Variants in PTK2B observed in about 807,000 individuals in gnomAD.
PTK2B encodes the protein protein-tyrosine kinase 2-beta.
Under a neutral mutation model 142.9 loss-of-function variants are expected in PTK2B, and 71 were observed. The observed-to-expected ratio is 0.50, with a 90% CI of 0.41 to 0.61. The LOEUF is 0.61. PTK2B is among the 20% of genes least tolerant of loss of function. PTK2B has a pLI of 0.00. For synonymous variants in PTK2B, 519 were observed against 503.4 expected (o/e 1.03, Z -0.42); for missense variants, 1,105 against 1,320.4 (o/e 0.84, Z 2.53).
At chr8:27,410,768 G>A (rs889546487) in intron 2 of PTK2B, among the ~76,000 whole-genome samples, 1 of 152,188 alleles carries the variant, frequency 6.6e-6, no homozygotes, top group Non-Finnish European at 1.5e-5. Flanking sequence ...ACAGAGACAA[G>A]CCATCCGGTC....
At chr8:27,325,127 G>C (rs528295965), upstream of PTK2B, among the ~76,000 whole-genome samples, 41 of 152,190 alleles carry the variant, frequency 2.7e-4, no homozygotes, top group Non-Finnish European at 5.7e-4. Context: ...TAGGACACAA[G>C]TGCTCAGTAC....
chr8:27,418,306 A>G (rs1056540864), intron 2 of PTK2B, among the ~76,000 whole-genome samples: 1 of 152,244 alleles, frequency 6.6e-6, no homozygotes, highest in African/African-American at 2.4e-5. Context: ...TGCCCAGGCA[A>G]GCAAATAACT....
intron 1 of PTK2B, among the ~76,000 whole-genome samples, chr8:27,375,162 A>C (rs1369310686): frequency 1.3e-5 from 2 of 152,202 alleles, no homozygotes; most frequent in Non-Finnish European, 1.5e-5. Context: ...TGAGGAGGAC[A>C]TGGGCTCAGG....
intron 3 of PTK2B, among the ~76,000 whole-genome samples, chr8:27,320,440 G>A (rs1310435378): frequency 2.0e-5 from 3 of 152,026 alleles, no homozygotes; most frequent in Non-Finnish European, 4.4e-5. Context: ...CTGCCACCCC[G>A]CTCCAGCTTC....
At chr8:27,444,986 A>T (rs1205699464) in intron 23 of PTK2B, among the ~76,000 whole-genome samples, 1 of 152,200 alleles carries the variant, frequency 6.6e-6, no homozygotes, top group Admixed American at 6.5e-5. Flanking sequence ...CTAAGGACTA[A>T]TAGATAAATC....
chr8:27,391,025 C>A (rs181028796), intron 1 of PTK2B, among the ~76,000 whole-genome samples: 1 of 151,864 alleles, frequency 6.6e-6, no homozygotes, highest in African/African-American at 2.4e-5. Context: ...TGACATCATA[C>A]GGCCTTTCTG....
chr8:27,352,638 G>A (rs548473304), intron 1 of PTK2B, among the ~76,000 whole-genome samples: 15 of 152,270 alleles, frequency 9.9e-5, no homozygotes, highest in East Asian at 5.8e-4. Flanking sequence ...GGAGGGACCC[G>A]GTGGGAGGTA....
intron 1 of PTK2B, among the ~76,000 whole-genome samples, chr8:27,347,504 G>A (rs1406926894): frequency 6.8e-6 from 1 of 147,858 alleles, no homozygotes; most frequent in Non-Finnish European, 1.5e-5. Flanking sequence ...CAACATCAAG[G>A]TGTCAGCAGG....
rs2241650 is a variant in PTK2B, at chr8:27,397,808, C to T, written c.204+20C>T. ...ATCCGGGTAAGTGTGAAGTGTCTGC[C>T]CTGTCCATCTGTCTGTCCCTCTGTC... On this transcript the variant is annotated intron_variant, in intron 2 of 30. Transcript: ENST00000346049. 0.42 allele frequency: 674,568 copies of T among 1,610,190 alleles called. 144,675 individuals carry two copies. The highest frequency in any genetic ancestry group is 0.49 in the Middle Eastern group (2,992 of 6,050).
intron 2 of PTK2B, among the ~76,000 whole-genome samples, chr8:27,406,008 T>C (rs919069574): frequency 6.6e-6 from 1 of 152,226 alleles, no homozygotes; most frequent in African/African-American, 2.4e-5. Context: ...CTCACATTTC[T>C]GGAGGCCAGA....
At chr8:27,354,881 C>T (rs73568004) in intron 1 of PTK2B, among the ~76,000 whole-genome samples, 6,964 of 152,110 alleles carry the variant, frequency 0.046, 501 homozygotes, top group African/African-American at 0.16. Flanking sequence ...GATGGTCTTC[C>T]GACGGAATCA....
chr8:27,445,774 T>C lies in PTK2B; in HGVS notation c.2215-20T>C. 2.5e-6 allele frequency: 4 copies of C among 1,612,898 alleles called. No homozygotes were observed. Among genetic ancestry groups the C allele is most frequent in the Non-Finnish European group, 3.4e-6 (4 of 1,180,010 alleles). On this transcript the variant is annotated intron_variant, in intron 23 of 30. Coordinates refer to ENST00000346049, the MANE Select transcript of PTK2B (RefSeq NM_173176.3). ...CTCGCTTTGTCCCGTGCCTTGTGCT[T>C]CTTTGCTTTTCCTGAATAGGTTCCT...
chr8:27,365,228 G>T (rs914977540), intron 1 of PTK2B, among the ~76,000 whole-genome samples: 12 of 152,176 alleles, frequency 7.9e-5, no homozygotes. Flanking sequence ...ATTATTTGAT[G>T]GCGATATCTG....
intron 9 of PTK2B, 61 bp downstream of exon 9, chr8:27,431,533 G>A: frequency 6.3e-7 from 1 of 1,598,666 alleles, no homozygotes. Flanking sequence ...CCTCTCTGCT[G>A]CCTCCCGCCC....
chr8:27,442,227 C>A (rs1423820145), intron 21 of PTK2B, among the ~76,000 whole-genome samples: 4 of 152,094 alleles, frequency 2.6e-5, no homozygotes, highest in African/African-American at 4.8e-5. Context: ...AAAATATATA[C>A]ACACTTGAAA....
At chr8:27,378,663 C>A (rs1309806352) in intron 1 of PTK2B, among the ~76,000 whole-genome samples, 1 of 147,772 alleles carries the variant, frequency 6.8e-6, no homozygotes, top group African/African-American at 2.5e-5. Flanking sequence ...ACAAGGCAAT[C>A]AGAATATTCT....
upstream of PTK2B, chr8:27,311,261 C>T (rs773256251): frequency 5.9e-5 from 87 of 1,476,176 alleles, no homozygotes; most frequent in East Asian, 1.8e-3. Flanking sequence ...CTCGGGCGCC[C>T]GGAACTTTTG....
chr8:27,443,920 G>A (rs1042050747), intron 22 of PTK2B, among the ~76,000 whole-genome samples: 1 of 152,194 alleles, frequency 6.6e-6, no homozygotes, highest in Non-Finnish European at 1.5e-5. Flanking sequence ...CTCTGACTTG[G>A]TGGGTGCTCC....
intron 1 of PTK2B, among the ~76,000 whole-genome samples, chr8:27,372,370 A>G (rs1806412276): frequency 6.6e-6 from 1 of 152,200 alleles, no homozygotes; most frequent in African/African-American, 2.4e-5. Context: ...ACCCAGGAAG[A>G]GTTAATGTTT....
Sources: gnomAD v4.1 joint callset for allele counts (sites outside exome capture counted in the v4.1 genomes callset) on GRCh38, gnomAD v4.1.1 for gene constraint, MANE v1.5 for transcripts, NCBI Gene and HGNC (gene_info 2026-07-23, HGNC 2026-07-21) for gene names.